The following PTCD2 variants were observed in gnomAD, a reference collection of about 807,000 sequenced individuals.
PTCD2 encodes the protein pentatricopeptide repeat-containing protein 2, mitochondrial.
A neutral mutation model predicts 42.6 loss-of-function variants in PTCD2; 31 were observed. The ratio of observed to expected loss-of-function variants is 0.73; its 90% CI spans 0.55 to 0.98. The LOEUF (loss-of-function observed/expected upper bound fraction) is 0.98, where lower values mean the gene tolerates loss of function less well. Among genes scored for constraint, PTCD2 ranks in the 50% least tolerant of loss-of-function variants. The pLI, the probability that PTCD2 is intolerant of heterozygous loss-of-function variation, is 0.00. For missense variants in PTCD2, 476 were observed against 454.8 expected, an observed-to-expected ratio of 1.05 and a Z score of -0.42; for synonymous variants, 183 against 170.9, an observed-to-expected ratio of 1.07 and a Z score of -0.55.
chr5:72,326,599 T>C lies in PTCD2; in HGVS notation c.221-13T>C. The C allele has an allele frequency of 6.2e-7, 1 of 1,614,058 alleles. No homozygotes were observed. Among genetic ancestry groups the C allele is most frequent in the Non-Finnish European group, 8.5e-7 (1 of 1,179,962 alleles). ...AGCCTGAGTGATGGTCACCATACTG[T>C]GCTTTCTTCCAGAAACGTATTTTAG... On this transcript the variant is annotated splice_polypyrimidine_tract_variant and intron_variant, in intron 2 of 9. Transcript: ENST00000380639.
chr5:72,354,407 AAG>A (rs1554066972), intron 9 of PTCD2, among the ~76,000 whole-genome samples: 7 of 151,386 alleles, frequency 4.6e-5, no homozygotes, highest in Admixed American at 1.3e-4. Context: ...AAAAAAAAAA[AAG>A]CTCTTTTTGA....
intron 9 of PTCD2, among the ~76,000 whole-genome samples, chr5:72,353,127 A>G (rs73102452): frequency 0.019 from 2,871 of 152,304 alleles, 100 homozygotes; most frequent in African/African-American, 0.064. Context: ...TCTTGGAGAA[A>G]ATAGAAGTAA....
chr5:72,359,428 A>G lies in PTCD2; in HGVS notation c.*1001A>G, dbSNP rs1753040166. The stretch of plus-strand genomic sequence containing the variant: ...TTGCTCCTTTTGTTTCAGAAAGCCC[A>G]GAGGGTTGCTCAGACCTCAGGAGCT... On this transcript the variant is annotated 3_prime_UTR_variant, in exon 10 of 10. Coordinates refer to ENST00000380639, the MANE Select transcript of PTCD2 (RefSeq NM_024754.5). 6.6e-6 allele frequency: 1 copy of G among 152,200 alleles called. No homozygotes were observed. Among genetic ancestry groups the G allele is most frequent in the Non-Finnish European group, 1.5e-5 (1 of 68,044 alleles). 9.4% of individuals were successfully genotyped at this position (152,200 alleles called of 1,614,324 possible). A position where few individuals can be genotyped will look rare whatever the true frequency, so the allele number is the denominator to read the frequency against.
At chr5:72,352,873 T>C in intron 9 of PTCD2, 119 bp downstream of exon 9, 1 of 594,560 alleles carries the variant, frequency 1.7e-6, no homozygotes, top group Non-Finnish European at 3.0e-6. Context: ...GCAGCTTCTC[T>C]GTTGTTCCTG....
rs1352092292 is a variant in PTCD2, at chr5:72,331,347, A to C, written c.440A>C (p.Glu147Ala). Residue 147 changes from glutamate to alanine, a missense_variant, in exon 4 of 10, where the codon GAA becomes GCA. Glu to Ala is a moderately radical substitution (Grantham distance 107). Coordinates refer to ENST00000380639, the MANE Select transcript of PTCD2 (RefSeq NM_024754.5). ...VRLCYELDLE[E>A]SAVELMKDQH... Reference sequence around the variant, plus strand: ...TTGTGTTACGAGTTGGATCTCGAGGAATCTGCAGTGGAGCTCATGAAAGAC... The same window carrying C: ...TTGTGTTACGAGTTGGATCTCGAGGCATCTGCAGTGGAGCTCATGAAAGAC... The C allele has an allele frequency of 6.2e-7, 1 of 1,613,290 alleles. No homozygotes were observed. Among genetic ancestry groups the C allele is most frequent in the Non-Finnish European group, 8.5e-7 (1 of 1,179,330 alleles).
At position 72,358,252 on chromosome 5, in the gene PTCD2, A is replaced by G; in HGVS notation, c.992A>G (p.Lys331Arg). The change falls in exon 10 of 10, where the codon AAA (lysine) becomes AGA (arginine). Residue 331 changes from lysine (K) to arginine (R), a missense_variant. Lys to Arg is a conservative substitution (Grantham distance 26). Transcript: ENST00000380639. The stretch of plus-strand genomic sequence containing the variant: ...AAGGATGTGCCTGCCCTTGTGGCCA[A>G]ATTTGATGAGATCTATGGGACACTG... ...KVKDVPALVA[K>R]FDEIYGTLHI... The G allele has an allele frequency of 6.2e-7, 1 of 1,614,096 alleles. No individual in the cohort carries two copies. The highest frequency in any genetic ancestry group is 8.5e-7 in the Non-Finnish European group (1 of 1,180,000).
chr5:72,324,678 T>C (rs913009435), intron 2 of PTCD2, among the ~76,000 whole-genome samples: 1 of 152,176 alleles, frequency 6.6e-6, no homozygotes, highest in Non-Finnish European at 1.5e-5. Context: ...CAGAAGAGTC[T>C]TATTATGTTT....
In PTCD2 at chr5:72,320,501, C is replaced by G; in HGVS notation, c.119C>G (p.Pro40Arg). The change falls in exon 1 of 10, where the codon CCT (proline) becomes CGT (arginine). Residue 40 changes from proline to arginine, a missense_variant. Coordinates refer to ENST00000380639, the MANE Select transcript of PTCD2 (RefSeq NM_024754.5). ...GGSGSVSCRC[P>R]LGAKRYLLTD... The stretch of plus-strand genomic sequence containing the variant: ...TCCGGCTCTGTCAGCTGCCGCTGCC[C>G]TCTCGGAGGTATCCGCGGCTTTAGC... 6.2e-7 allele frequency: 1 copy of G among 1,613,926 alleles called. No homozygotes were observed. The highest frequency in any genetic ancestry group is 8.5e-7 in the Non-Finnish European group (1 of 1,180,028).
At position 72,358,519 on chromosome 5, in the gene PTCD2, A is replaced by T; in HGVS notation, c.*92A>T. On this transcript the variant is annotated 3_prime_UTR_variant, in exon 10 of 10. Coordinates refer to ENST00000380639, the MANE Select transcript of PTCD2 (RefSeq NM_024754.5). ...AGCCAGGTATCGCACTTCAGCAGAC[A>T]GTGTGCTGACACTTGGTCTTCTCCT... The T allele has an allele frequency of 2.3e-6, 2 of 874,722 alleles. No individual in the cohort carries two copies. Among genetic ancestry groups the T allele is most frequent in the Non-Finnish European group, 3.7e-6 (2 of 545,628 alleles). The allele number at this position is 874,722 out of a possible 1,614,324, so 54.2% of individuals were successfully genotyped here. A position where few individuals can be genotyped will look rare whatever the true frequency, so the allele number is the denominator to read the frequency against.
intron 1 of PTCD2, chr5:72,321,258 A>G (rs1365061837): frequency 6.6e-6 from 1 of 152,254 alleles, no homozygotes; most frequent in African/African-American, 2.4e-5. Flanking sequence ...AGTGAGTGAT[A>G]GTAAAAATGT....
At chr5:72,323,098 C>A (rs1397965251) in intron 2 of PTCD2, among the ~76,000 whole-genome samples, 3 of 151,950 alleles carry the variant, frequency 2.0e-5, no homozygotes, top group Non-Finnish European at 4.4e-5. Flanking sequence ...TGCAGTAAGC[C>A]ATGATCACAC....
intron 9 of PTCD2, among the ~76,000 whole-genome samples, chr5:72,356,744 T>G (rs1752892252): frequency 1.3e-5 from 2 of 152,240 alleles, no homozygotes. Context: ...TAAGTCATTT[T>G]CACCTTGAAC....
rs965468086 is a variant in PTCD2, at chr5:72,367,563, A to G, written c.*9136A>G. 1 of 152,220 alleles carries G rather than the reference A, an allele frequency of 6.6e-6. No individual in the cohort carries two copies. Among genetic ancestry groups the G allele is most frequent in the African/African-American group, 2.4e-5 (1 of 41,462 alleles). 9.4% of individuals were successfully genotyped at this position (152,220 alleles called of 1,614,324 possible). On this transcript the variant is annotated 3_prime_UTR_variant, in exon 10 of 10. Transcript: ENST00000380639. Reference sequence around the variant, plus strand: ...AAAGGTACTAGAAAAAATCTTGGGGAAAATCCTATTGTACATATTCCTTAC... The same window carrying G: ...AAAGGTACTAGAAAAAATCTTGGGGGAAATCCTATTGTACATATTCCTTAC...
chr5:72,342,898 G>A (rs1298254909), intron 7 of PTCD2, 64 bp from the exon 8 acceptor site: 2 of 1,016,752 alleles, frequency 2.0e-6, no homozygotes, highest in Admixed American at 2.1e-5. Flanking sequence ...CCCTCTCTAA[G>A]TGATCTTTTA....
In PTCD2 at chr5:72,361,941, TTATCA is replaced by T. The variant is rs1219400274; in HGVS notation, c.*3518_*3522del. 1 of 152,284 alleles carries T rather than the reference TTATCA, an allele frequency of 6.6e-6. No individual in the cohort carries two copies. Among genetic ancestry groups the T allele is most frequent in the Non-Finnish European group, 1.5e-5 (1 of 68,090 alleles). The allele number at this position is 152,284 out of a possible 1,614,324, so 9.4% of individuals were successfully genotyped here. The stretch of plus-strand genomic sequence containing the variant: ...CCATGTACCTCATTTATCAAAGTGC[TTATCA>T]TATGCCTGTCACTGTCTGTTTTCTT... On this transcript the variant is annotated 3_prime_UTR_variant, in exon 10 of 10. Transcript: ENST00000380639.
chr5:72,354,658 C>T (rs1317974029), intron 9 of PTCD2, among the ~76,000 whole-genome samples: 1 of 152,188 alleles, frequency 6.6e-6, no homozygotes, highest in African/African-American at 2.4e-5. Flanking sequence ...TGAGGAAATG[C>T]TGCTACAGCG....
Position 72,343,233 on chromosome 5 carries a change from G to A in PTCD2, c.828+197G>A, listed in dbSNP as rs572904640. On this transcript the variant is annotated intron_variant, in intron 8 of 9. Coordinates refer to ENST00000380639, the MANE Select transcript of PTCD2 (RefSeq NM_024754.5). ...CCTTGTAAGAAGAGTCAACACAGCT[G>A]TCGCTTCCAGGAGTTTGTAAACAGG... 6.6e-5 allele frequency among the ~76,000 whole-genome samples: 10 copies of A among 152,306 alleles called. No homozygotes were observed. The East Asian group carries it at 1.9e-3, about 29-fold the overall frequency.
Position 72,358,222 on chromosome 5 carries a change from A to C in PTCD2, c.962A>C (p.Lys321Thr), listed in dbSNP as rs1205390308. ...SEEVLAKVRE[K>T]VKDVPALVAK... is the part of the protein sequence containing the mutation. ...TTCCAGCTGGCCAAAGTGAGGGAAA[A>C]AGTGAAGGATGTGCCTGCCCTTGTG... Residue 321 changes from lysine to threonine, a missense_variant, in exon 10 of 10, where the codon AAA (lysine) becomes ACA (threonine). Physicochemically the swap from Lys to Thr is moderately conservative, Grantham distance 78. Coordinates refer to ENST00000380639, the MANE Select transcript of PTCD2 (RefSeq NM_024754.5). The C allele has an allele frequency of 6.2e-7, 1 of 1,614,002 alleles. No individual in the cohort carries two copies. Among genetic ancestry groups the C allele is most frequent in the Non-Finnish European group, 8.5e-7 (1 of 1,179,962 alleles).
intron 3 of PTCD2, among the ~76,000 whole-genome samples, chr5:72,327,881 A>G (rs967775123): frequency 6.6e-6 from 1 of 152,216 alleles, no homozygotes; most frequent in Non-Finnish European, 1.5e-5. Flanking sequence ...AAGATTCTCT[A>G]CCAAAAGTTA....
Sources: gnomAD v4.1 joint callset for allele counts (sites outside exome capture counted in the v4.1 genomes callset) on GRCh38, gnomAD v4.1.1 for gene constraint, MANE v1.5 for transcripts, NCBI Gene and HGNC (gene_info 2026-07-23, HGNC 2026-07-21) for gene names.